The following STEEP1 variants were observed in gnomAD, a reference collection of about 807,000 sequenced individuals.
STEEP1 encodes the protein STING1 ER exit protein 1.
A neutral mutation model predicts 19.2 loss-of-function variants in STEEP1; 3 were observed. The ratio of observed to expected loss-of-function variants is 0.16; its 90% confidence interval spans 0.07 to 0.40. STEEP1 has a LOEUF of 0.40. Among genes scored for constraint, STEEP1 ranks in the 10% least tolerant of loss-of-function variants. STEEP1 has a pLI of 0.99. For synonymous variants in STEEP1, 46 were observed against 63.7 expected (o/e 0.72, Z 1.32); for missense variants, 54 against 177.1 (o/e 0.30, Z 3.94).
At chrX:119,547,434 C>T (rs932884010) in intron 2 of STEEP1, among the ~76,000 whole-genome samples, 1 of 111,939 alleles carries the variant, frequency 8.9e-6, no homozygotes, top group South Asian at 3.7e-4. Flanking sequence ...CACTGGATGC[C>T]GTTAAATTGC....
intron 2 of STEEP1, among the ~76,000 whole-genome samples, chrX:119,546,610 C>T (rs1392820412): frequency 9.0e-6 from 1 of 110,595 alleles, no homozygotes; most frequent in African/African-American, 3.3e-5. Context: ...TGAATTTAAG[C>T]CCAGGCAGTC....
chrX:119,565,223 G>A lies in STEEP1; in HGVS notation c.124+9C>T. 1 of 1,199,899 alleles carries A rather than the reference G, an allele frequency of 8.3e-7. No individual in the cohort carries two copies. The highest frequency in any genetic ancestry group is 1.1e-6 in the Non-Finnish European group (1 of 888,584). ...CTTGCAGACGCCCCCGCAGTTCCCG[G>A]CTACTCACCCAGCACTAGGACCATC... is the stretch of plus-strand genomic sequence containing the variant. On this transcript the variant is annotated intron_variant, in intron 1 of 6. Transcript: ENST00000644802.
chrX:119,554,595 T>A (rs1363894082), intron 2 of STEEP1, among the ~76,000 whole-genome samples: 1 of 111,871 alleles, frequency 8.9e-6, no homozygotes, highest in Non-Finnish European at 1.9e-5. Context: ...CAGAAACAAC[T>A]GTGTGTGCCT....
chrX:119,546,947 C>T (rs1278512595), intron 2 of STEEP1, among the ~76,000 whole-genome samples: 2 of 111,207 alleles, frequency 1.8e-5, no homozygotes, highest in African/African-American at 6.5e-5. Flanking sequence ...GCAATATATG[C>T]ATATGGTATA....
intron 6 of STEEP1, among the ~76,000 whole-genome samples, chrX:119,540,035 G>A (rs918193208): frequency 4.5e-5 from 5 of 111,668 alleles, no homozygotes; most frequent in Non-Finnish European, 9.4e-5. Flanking sequence ...CAGGAAATCA[G>A]CGCAGGGATT....
chrX:119,563,771 G>A (rs1000601964), intron 1 of STEEP1, among the ~76,000 whole-genome samples: 7 of 111,441 alleles, frequency 6.3e-5, no homozygotes, highest in African/African-American at 1.6e-4. Flanking sequence ...ACATTTTCAC[G>A]AAAGCACCTG....
At position 119,558,399 on chromosome X, in the gene STEEP1, T is replaced by C. The variant is rs1322691485; in HGVS notation, c.242+1869A>G. On this transcript the variant is annotated intron_variant, in intron 2 of 6. Transcript: ENST00000644802. Reference sequence around the variant, plus strand: ...AATACAAAAAAAAATTAGCCGGGCATGGTGGCAGGCGCCTGTAGTCCCAGC... The same window carrying C: ...AATACAAAAAAAAATTAGCCGGGCACGGTGGCAGGCGCCTGTAGTCCCAGC... Among the ~76,000 whole-genome samples, 3 of 110,407 alleles carry C rather than the reference T, an allele frequency of 2.7e-5. No homozygotes were observed. The Admixed American group carries it at 2.9e-4, about 11-fold the overall frequency.
At chrX:119,548,882 C>T (rs956027503) in intron 2 of STEEP1, among the ~76,000 whole-genome samples, 4 of 112,084 alleles carry the variant, frequency 3.6e-5, no homozygotes, top group African/African-American at 1.3e-4. Context: ...CACAACAGAA[C>T]ATTATTCAGC....
At chrX:119,551,212 G>A (rs1173981885) in intron 2 of STEEP1, among the ~76,000 whole-genome samples, 2 of 110,541 alleles carry the variant, frequency 1.8e-5, no homozygotes, top group Admixed American at 1.9e-4. Flanking sequence ...CAGGTGCGGC[G>A]GCTCACACCT....
At chrX:119,545,057 T>A (rs932109945) in intron 3 of STEEP1, among the ~76,000 whole-genome samples, 1 of 111,002 alleles carries the variant, frequency 9.0e-6, no homozygotes, top group Non-Finnish European at 1.9e-5. Context: ...TTGATAAGGA[T>A]AAAGACATAA....
intron 4 of STEEP1, among the ~76,000 whole-genome samples, chrX:119,543,633 C>G (rs954819460): frequency 9.1e-6 from 1 of 109,649 alleles, no homozygotes; most frequent in Non-Finnish European, 1.9e-5. Context: ...TAGGTGAATA[C>G]CATCACACCC....
chrX:119,542,055 CTTTTTTTTTTTTTT>C (rs201339708), intron 5 of STEEP1, among the ~76,000 whole-genome samples: 6 of 82,907 alleles, frequency 7.2e-5, no homozygotes, highest in African/African-American at 9.8e-5. Flanking sequence ...CTTTTCTTTT[CTTTTTTTTTTTTTT>C]TTTTTTTTTT....
At chrX:119,544,667 G>A (rs1034992667) in intron 3 of STEEP1, among the ~76,000 whole-genome samples, 176 bp from the exon 4 acceptor site, 7 of 112,353 alleles carry the variant, frequency 6.2e-5, no homozygotes, top group African/African-American at 2.3e-4. Context: ...TAGGCCGGGC[G>A]TGGTGGCTCA....
At chrX:119,541,292 T>C in intron 6 of STEEP1, 36 bp downstream of exon 6, 1 of 796,402 alleles carries the variant, frequency 1.3e-6, no homozygotes, top group East Asian at 3.2e-5. Context: ...ATCCAAATGA[T>C]AGGGCCCCAG....
chrX:119,561,977 A>C (rs1344163340), intron 1 of STEEP1, among the ~76,000 whole-genome samples: 1 of 112,978 alleles, frequency 8.9e-6, no homozygotes, highest in African/African-American at 3.2e-5. Flanking sequence ...ATTCAAAAGC[A>C]CATGCTGTTT....
rs1370076673 is a variant in STEEP1, at chrX:119,550,371, G to GTTCTA, written c.243-4868_243-4867insTAGAA. 5.4e-5 allele frequency among the ~76,000 whole-genome samples: 6 copies of GTTCTA among 111,930 alleles called. No homozygotes were observed. The East Asian group carries it at 1.4e-3, about 26-fold the overall frequency. ...ATACTGGTATAAGGACAGACATACA[G>GTTCTA]GTCAATGGAATAGAACTGAGAGTCT... On this transcript the variant is annotated intron_variant, in intron 2 of 6. Transcript: ENST00000644802.
At chrX:119,548,286 G>A (rs2053219516) in intron 2 of STEEP1, among the ~76,000 whole-genome samples, 3 of 111,468 alleles carry the variant, frequency 2.7e-5, no homozygotes, top group Admixed American at 1.9e-4. Context: ...TGTAATCCCA[G>A]CACTGTGGGA....
intron 2 of STEEP1, among the ~76,000 whole-genome samples, chrX:119,558,897 G>A (rs935544700): frequency 1.8e-5 from 2 of 110,601 alleles, no homozygotes; most frequent in Admixed American, 9.8e-5. Flanking sequence ...CTAAAACAGA[G>A]CTAACCACAT....
chrX:119,549,896 T>C (rs1307809323), intron 2 of STEEP1, among the ~76,000 whole-genome samples: 1 of 111,754 alleles, frequency 8.9e-6, no homozygotes, highest in Non-Finnish European at 1.9e-5. Flanking sequence ...CCACATAAAC[T>C]AACATCATAC....
Sources: allele counts gnomAD v4.1 joint callset (sites outside exome capture counted in the v4.1 genomes callset), GRCh38; gene constraint gnomAD v4.1.1; transcripts MANE v1.5; gene names NCBI Gene and HGNC (gene_info 2026-07-23, HGNC 2026-07-21).